The following ZC3H12B variants were observed in gnomAD, a reference collection of about 807,000 sequenced individuals.
The protein encoded by ZC3H12B is probable ribonuclease ZC3H12B.
In ZC3H12B, 7 loss-of-function variants were observed where a neutral mutation model predicts 43.9. The observed-to-expected ratio is 0.16, with a 90% confidence interval of 0.09 to 0.30. The LOEUF (loss-of-function observed/expected upper bound fraction) is 0.30, where lower values mean the gene tolerates loss of function less well. ZC3H12B is among the 10% of genes least tolerant of loss of function. The pLI is 1.00. For synonymous variants in ZC3H12B, 222 were observed against 241.7 expected, an observed-to-expected ratio of 0.92 and a Z score of 0.76; for missense variants, 475 against 670.2, an observed-to-expected ratio of 0.71 and a Z score of 3.22.
At chrX:65,217,435 G>A in the ZC3H12B span, among the ~76,000 whole-genome samples, 1 of 111,336 alleles carries the variant, frequency 9.0e-6, no homozygotes, top group Admixed American at 9.6e-5. Flanking sequence ...AGAATATACA[G>A]GAAAAAGACC....
At chrX:65,246,330 G>C in the ZC3H12B span, among the ~76,000 whole-genome samples, 3 of 112,109 alleles carry the variant, frequency 2.7e-5, no homozygotes, top group Non-Finnish European at 1.9e-5. Flanking sequence ...AAATGGCTAT[G>C]CTTCCCAAAG....
the ZC3H12B span, among the ~76,000 whole-genome samples, chrX:65,075,382 G>C: frequency 8.9e-6 from 1 of 112,381 alleles, no homozygotes; most frequent in East Asian, 2.8e-4. Context: ...CCCTCCCTGA[G>C]GGAGAAGCCT....
chrX:65,183,708 G>T, the ZC3H12B span, among the ~76,000 whole-genome samples: 1 of 111,555 alleles, frequency 9.0e-6, no homozygotes, highest in Non-Finnish European at 1.9e-5. Flanking sequence ...TACAGGTTTG[G>T]TTGTTTGTTA....
the ZC3H12B span, among the ~76,000 whole-genome samples, chrX:65,142,911 A>G: frequency 1.7e-4 from 19 of 112,145 alleles, no homozygotes; most frequent in South Asian, 1.1e-3. Flanking sequence ...GCCATATAGT[A>G]TAGTTTGAAA....
chrX:65,298,072 G>A, the ZC3H12B span, among the ~76,000 whole-genome samples: 8 of 111,936 alleles, frequency 7.1e-5, no homozygotes, highest in East Asian at 2.8e-4. Context: ...GGAAAATCCC[G>A]TCTAGACATT....
the ZC3H12B span, among the ~76,000 whole-genome samples, chrX:65,159,991 A>C: frequency 8.9e-6 from 1 of 111,930 alleles, no homozygotes; most frequent in South Asian, 3.7e-4. Flanking sequence ...GAATTTTGTC[A>C]AAGGCCTTTT....
chrX:65,500,127 C>T (rs1569426607), intron 4 of ZC3H12B, 138 bp downstream of exon 9: 3 of 488,919 alleles, frequency 6.1e-6, no homozygotes, highest in East Asian at 3.4e-5. Context: ...TTTGTGTCTT[C>T]GTGTACACTG....
At chrX:65,356,910 G>C in the ZC3H12B span, 3 of 392,804 alleles carry the variant, frequency 7.6e-6, no homozygotes, top group Non-Finnish European at 1.5e-5. Flanking sequence ...TTGAAGATCT[G>C]TTTGTAAAGT....
chrX:65,389,632 C>T (rs1336936049), intron 2 of ZC3H12B, among the ~76,000 whole-genome samples: 1 of 112,458 alleles, frequency 8.9e-6, no homozygotes, highest in Admixed American at 9.4e-5. Context: ...TGCACTGCAC[C>T]CACAGTCCTG....
the ZC3H12B span, among the ~76,000 whole-genome samples, chrX:65,106,863 G>T: frequency 9.0e-6 from 1 of 111,600 alleles, no homozygotes; most frequent in Non-Finnish European, 1.9e-5. Context: ...AATCCTATGA[G>T]GTAGGTACAA....
intron 3 of ZC3H12B, among the ~76,000 whole-genome samples, chrX:65,427,614 C>A (rs528355639): frequency 1.8e-5 from 2 of 111,329 alleles, no homozygotes; most frequent in South Asian, 7.6e-4. Context: ...CAGATAAGAG[C>A]CACCACACCC....
At chrX:65,140,597 CTTTGGTATTACGTCTTCAA>C in the ZC3H12B span, among the ~76,000 whole-genome samples, 2 of 111,471 alleles carry the variant, frequency 1.8e-5, no homozygotes, top group Non-Finnish European at 3.8e-5. Context: ...TGTCCACTGG[CTTTGGTATTACGTCTTCAA>C]TTTTTTGGAA....
At chrX:65,437,137 G>T (rs2067231011) in intron 3 of ZC3H12B, among the ~76,000 whole-genome samples, 1 of 110,114 alleles carries the variant, frequency 9.1e-6, no homozygotes, top group African/African-American at 3.3e-5. Flanking sequence ...ATTTTTAGTA[G>T]AGACAGGGTT....
At chrX:65,083,903 A>C in the ZC3H12B span, among the ~76,000 whole-genome samples, 1 of 112,033 alleles carries the variant, frequency 8.9e-6, no homozygotes, top group Non-Finnish European at 1.9e-5. Flanking sequence ...ACTAGAATAA[A>C]AACAGACACA....
chrX:65,127,712 G>A, the ZC3H12B span, among the ~76,000 whole-genome samples: 1 of 110,843 alleles, frequency 9.0e-6, no homozygotes, highest in African/African-American at 3.3e-5. Flanking sequence ...TGCTGCGGAG[G>A]ATGGGGATAT....
chrX:65,356,919 G>T, the ZC3H12B span: 12 of 409,184 alleles, frequency 2.9e-5, no homozygotes, highest in African/African-American at 7.5e-5. Context: ...TGTTTGTAAA[G>T]TTCACATGCT....
At chrX:65,220,261 A>T in the ZC3H12B span, among the ~76,000 whole-genome samples, 2 of 111,825 alleles carry the variant, frequency 1.8e-5, no homozygotes, top group Admixed American at 1.9e-4. Context: ...TAAAGCATAA[A>T]TTTCACAGTA....
At chrX:65,178,327 C>G in the ZC3H12B span, among the ~76,000 whole-genome samples, 1 of 111,894 alleles carries the variant, frequency 8.9e-6, no homozygotes, top group Non-Finnish European at 1.9e-5. Flanking sequence ...AAAACCTAGA[C>G]AATACCATTC....
At chrX:65,318,235 G>A in the ZC3H12B span, among the ~76,000 whole-genome samples, 2 of 107,912 alleles carry the variant, frequency 1.9e-5, no homozygotes, top group Non-Finnish European at 3.8e-5. Context: ...GAGTAATGTG[G>A]TATCGCATTG....
Sources: allele counts gnomAD v4.1 joint callset (sites outside exome capture counted in the v4.1 genomes callset), GRCh38; gene constraint gnomAD v4.1.1; transcripts MANE v1.5; gene names NCBI Gene and HGNC (gene_info 2026-07-23, HGNC 2026-07-21).